The following ARMC2 variants were observed in gnomAD, a reference collection of about 807,000 sequenced individuals.
ARMC2 encodes the protein armadillo repeat containing 2, also known as armadillo repeat-containing protein 2.
In ARMC2, 67 loss-of-function variants were observed where a neutral mutation model predicts 90.3. That is an observed-to-expected ratio of 0.74 (90% CI 0.61 to 0.91). The LOEUF (loss-of-function observed/expected upper bound fraction) is 0.91, where lower values mean the gene tolerates loss of function less well. ARMC2 is among the 40% of genes least tolerant of loss of function. The pLI is 0.00. For missense variants in ARMC2, 920 were observed against 1,030.9 expected (o/e 0.89, Z 1.47); for synonymous variants, 393 against 393.0 (o/e 1.00, Z 0.00).
the ARMC2 span, among the ~76,000 whole-genome samples, chr6:109,024,478 C>T: frequency 4.7e-4 from 72 of 152,152 alleles, no homozygotes; most frequent in Non-Finnish European, 9.8e-4. Flanking sequence ...CGCCCTCTCC[C>T]AGATTAGGTT....
chr6:108,988,616 A>G, the ARMC2 span: 6 of 1,613,212 alleles, frequency 3.7e-6, no homozygotes, highest in East Asian at 1.3e-4. Context: ...AGTGCAAACA[A>G]CAGTTTTGAT....
chr6:108,854,288 A>G lies in ARMC2; in HGVS notation c.21A>G (p.Lys7=), dbSNP rs750696953. ...GAAAGATGCTGTCTCCAAATGATAA[A>G]ATGTTAGGAAAACTGGATCCATTTT... MLSPND[K]MLGKLDPFYQ... The change falls in exon 2 of 18, where the codon AAA becomes AAG. Residue 7 remains lysine, a synonymous_variant. Transcript: ENST00000392644. The G allele has an allele frequency of 6.0e-5, 97 of 1,609,226 alleles. No homozygotes were observed. In the Middle Eastern group the frequency reaches 2.1e-3, roughly 35 times the overall value.
chr6:109,014,256 C>T, the ARMC2 span, among the ~76,000 whole-genome samples: 7 of 152,218 alleles, frequency 4.6e-5, no homozygotes, highest in Admixed American at 6.5e-5. Context: ...TGTTAAATAA[C>T]GGTCAGGTTT....
At chr6:108,990,551 T>C in the ARMC2 span, 4 of 1,108,690 alleles carry the variant, frequency 3.6e-6, no homozygotes, top group East Asian at 7.1e-5. Context: ...TGGGTTTTGA[T>C]TATGTGTGTG....
chr6:109,043,412 G>A, the ARMC2 span, among the ~76,000 whole-genome samples: 2 of 151,838 alleles, frequency 1.3e-5, no homozygotes, highest in South Asian at 2.1e-4. Flanking sequence ...AACAACAAAC[G>A]GAATAAATAA....
At chr6:108,899,560 C>T (rs1001671874) in intron 6 of ARMC2, 134 bp from the exon 7 acceptor site, 1 of 693,054 alleles carries the variant, frequency 1.4e-6, no homozygotes, top group African/African-American at 1.8e-5. Context: ...GAGAAATAGT[C>T]AGGCTTGGAG....
At chr6:108,865,265 G>A (rs950264235) in intron 3 of ARMC2, among the ~76,000 whole-genome samples, 1 of 152,142 alleles carries the variant, frequency 6.6e-6, no homozygotes, top group African/African-American at 2.4e-5. Flanking sequence ...TTACAGGCAT[G>A]AGCCACCGCA....
chr6:108,864,847 G>A (rs929728881), intron 3 of ARMC2, among the ~76,000 whole-genome samples: 3 of 152,110 alleles, frequency 2.0e-5, no homozygotes, highest in African/African-American at 7.2e-5. Flanking sequence ...GTTGTCCTAT[G>A]GAAATAGACT....
intron 9 of ARMC2, among the ~76,000 whole-genome samples, chr6:108,911,241 A>C (rs1773393869): frequency 6.6e-6 from 1 of 152,210 alleles, no homozygotes. Context: ...GACTTTACAA[A>C]GTGTTCCCCA....
chr6:108,897,834 C>T (rs940235576), intron 6 of ARMC2, among the ~76,000 whole-genome samples: 4 of 152,070 alleles, frequency 2.6e-5, no homozygotes, highest in African/African-American at 9.7e-5. Context: ...AGATAATCAT[C>T]AAGGGACTTT....
chr6:108,878,995 A>T (rs1777207698), intron 5 of ARMC2, among the ~76,000 whole-genome samples: 1 of 151,618 alleles, frequency 6.6e-6, no homozygotes, highest in Non-Finnish European at 1.5e-5. Context: ...TCATCCATCC[A>T]TCCACATACC....
At chr6:109,009,509 A>G in the ARMC2 span, 4 of 1,202,982 alleles carry the variant, frequency 3.3e-6, no homozygotes, top group African/African-American at 1.6e-5. Context: ...AGCGCTGGGC[A>G]GCCGGCCGCG....
Position 108,875,647 on chromosome 6 carries a change from G to A in ARMC2, c.464-496G>A, listed in dbSNP as rs77592599. ...AGCACTTATTATCTTATAACATGTC[G>A]TATACCTTATTTATTATGGTTATTG... On this transcript the variant is annotated intron_variant, in intron 4 of 17. Coordinates refer to ENST00000392644, the MANE Select transcript of ARMC2 (RefSeq NM_032131.6). 4.3e-3 allele frequency among the ~76,000 whole-genome samples: 646 copies of A among 151,954 alleles called. 3 individuals carry two copies. Among genetic ancestry groups the A allele is most frequent in the African/African-American group, 0.015 (604 of 41,398 alleles).
At chr6:108,967,719 ATTG>A (rs1035048878) in intron 17 of ARMC2, among the ~76,000 whole-genome samples, 2 of 152,056 alleles carry the variant, frequency 1.3e-5, no homozygotes, top group South Asian at 2.1e-4. Context: ...TATTCTTTTT[ATTG>A]TTGTTGTTTC....
the ARMC2 span, among the ~76,000 whole-genome samples, chr6:109,022,775 A>G: frequency 7.9e-5 from 12 of 152,258 alleles, no homozygotes; most frequent in African/African-American, 2.9e-4. Flanking sequence ...GGTACATGCT[A>G]TCTTCATTTT....
At chr6:108,980,317 G>A in the ARMC2 span, among the ~76,000 whole-genome samples, 2 of 152,166 alleles carry the variant, frequency 1.3e-5, no homozygotes, top group Admixed American at 1.3e-4. Flanking sequence ...GTCATCAGCG[G>A]AGGCTGCAGA....
the ARMC2 span, among the ~76,000 whole-genome samples, chr6:109,039,443 C>T: frequency 2.0e-5 from 3 of 152,160 alleles, no homozygotes; most frequent in Admixed American, 6.6e-5. Context: ...TTGTATTTCA[C>T]GATTTTCAGT....
At chr6:108,877,684 T>A (rs1047222686) in intron 5 of ARMC2, among the ~76,000 whole-genome samples, 4 of 152,228 alleles carry the variant, frequency 2.6e-5, no homozygotes, top group African/African-American at 9.6e-5. Context: ...CATCCATCCT[T>A]ACAGTAATGA....
At chr6:108,919,835 T>C (rs1280186934) in intron 10 of ARMC2, among the ~76,000 whole-genome samples, 1 of 152,206 alleles carries the variant, frequency 6.6e-6, no homozygotes, top group Non-Finnish European at 1.5e-5. Flanking sequence ...TCACCATAGA[T>C]AAGCTCTGCC....
Sources: gnomAD v4.1 joint callset for allele counts (sites outside exome capture counted in the v4.1 genomes callset) on GRCh38, gnomAD v4.1.1 for gene constraint, MANE v1.5 for transcripts, NCBI Gene and HGNC (gene_info 2026-07-23, HGNC 2026-07-21) for gene names.